MPND: variants seen among roughly 807,000 people sequenced by gnomAD.
MPND encodes MPN domain containing.
Under a neutral mutation model 59.2 loss-of-function variants are expected in MPND, and 56 were observed. The observed-to-expected ratio is 0.95, with a 90% CI of 0.76 to 1.18. The LOEUF (loss-of-function observed/expected upper bound fraction) is 1.18. MPND is among the 50% of genes most tolerant of loss of function. MPND has a pLI of 0.00. For missense variants in MPND, 671 were observed against 676.0 expected, an observed-to-expected ratio of 0.99 and a Z score of 0.08; for synonymous variants, 323 against 291.9, an observed-to-expected ratio of 1.11 and a Z score of -1.09.
At position 4,351,636 on chromosome 19, in the gene MPND, GCA is replaced by G. The variant is rs1201737156; in HGVS notation, c.532-1260_532-1259del. Among the ~76,000 whole-genome samples, 214 of 151,896 alleles carry G rather than the reference GCA, an allele frequency of 1.4e-3. 1 individual carries two copies. Among genetic ancestry groups the G allele is most frequent in the African/African-American group, 5.0e-3 (209 of 41,424 alleles). On this transcript the variant is annotated intron_variant, in intron 3 of 12. Transcript: ENST00000599840. The stretch of plus-strand genomic sequence containing the variant: ...CCAGCACTTTGGGTGGCCGAGATGG[GCA>G]AATCACAAGGTCAGACGATCGAGAC...
At chr19:4,357,214 C>T (rs1401340956) in intron 8 of MPND, 39 bp from the exon 9 acceptor site, 4 of 1,551,492 alleles carry the variant, frequency 2.6e-6, no homozygotes, top group Non-Finnish European at 3.5e-6. Flanking sequence ...TAGAGCCGTT[C>T]AGGCCCCTGT....
At chr19:4,345,649 A>T in intron 2 of MPND, 96 bp from the exon 3 acceptor site, 2 of 1,159,582 alleles carry the variant, frequency 1.7e-6, no homozygotes, top group Middle Eastern at 2.0e-4. Flanking sequence ...CCCTGTAAAG[A>T]CATGCCTGAG....
chr19:4,359,978 CG>C lies in MPND; in HGVS notation c.1484del (p.Gly495AlafsTer?). Reference protein sequence around the residue: ...SLCHVLEQVCGVLKQGS With the variant: ...SLCHVLEQVCXVLKQGS Reference sequence around the variant, plus strand: ...TGTGTCACGTCCTGGAACAGGTGTGCGGCGTCCTCAAGCAGGGGAGCTGAGC... The same window carrying C: ...TGTGTCACGTCCTGGAACAGGTGTGCGCGTCCTCAAGCAGGGGAGCTGAGC... On this transcript the variant is annotated frameshift_variant, in exon 13 of 13. Coordinates refer to ENST00000599840, the MANE Select transcript of MPND (RefSeq NM_001300862.2). LOFTEE classifies it high-confidence loss of function. 6.4e-7 allele frequency: 1 copy of C among 1,568,566 alleles called. No homozygotes were observed. The highest frequency in any genetic ancestry group is 8.6e-7 in the Non-Finnish European group (1 of 1,156,394).
chr19:4,347,594 G>C (rs543905551), intron 3 of MPND, among the ~76,000 whole-genome samples: 2 of 152,140 alleles, frequency 1.3e-5, no homozygotes, highest in South Asian at 2.1e-4. Context: ...ATTGCATGAA[G>C]GAGTTAACAC....
chr19:4,354,460 G>C, intron 6 of MPND, 40 bp downstream of exon 6: 3 of 1,524,210 alleles, frequency 2.0e-6, no homozygotes, highest in Non-Finnish European at 2.7e-6. Context: ...GGGCTCCGGA[G>C]CCCAGTCGGT....
intron 3 of MPND, 60 bp from the exon 4 acceptor site, chr19:4,352,837 G>GTA: frequency 7.8e-7 from 1 of 1,276,750 alleles, no homozygotes; most frequent in South Asian, 3.2e-5. Context: ...GATTTAGCAG[G>GTA]GAGCGGGGGG....
Position 4,355,137 on chromosome 19 carries a change from C to T in MPND, c.960C>T (p.Leu320=), listed in dbSNP as rs201982212. Residue 320 remains leucine (L), a synonymous_variant, in exon 8 of 13, where the codon CTC becomes CTT. Coordinates refer to ENST00000599840, the MANE Select transcript of MPND (RefSeq NM_001300862.2). ...VLRAFPCRSR[L]GDAETAAAIE... is the part of the protein sequence containing the mutation. Reference sequence around the variant, plus strand: ...GAGCCTTCCCTTGTCGGAGCCGGCTCGGGGACGCAGAGACTGCAGCTGCCA... The same window carrying T: ...GAGCCTTCCCTTGTCGGAGCCGGCTTGGGGACGCAGAGACTGCAGCTGCCA... 4.0e-5 allele frequency: 64 copies of T among 1,613,536 alleles called. No homozygotes were observed. The African/African-American group carries it at 4.1e-4, about 10-fold the overall frequency.
intron 6 of MPND, 145 bp downstream of exon 6, chr19:4,354,565 A>C: frequency 1.4e-6 from 1 of 700,690 alleles, no homozygotes; most frequent in Non-Finnish European, 2.4e-6. Context: ...TGCTCAATAA[A>C]TGTATGAAGG....
chr19:4,355,917 G>A (rs908920994), intron 8 of MPND, among the ~76,000 whole-genome samples: 8 of 145,430 alleles, frequency 5.5e-5, no homozygotes, highest in African/African-American at 1.8e-4. Context: ...TGCAGGGCGC[G>A]ATCTTGGCTC....
intron 4 of MPND, 85 bp downstream of exon 4, chr19:4,353,114 C>A (rs1284362439): frequency 4.4e-6 from 5 of 1,130,168 alleles, no homozygotes; most frequent in Non-Finnish European, 1.2e-6. Flanking sequence ...GGGCCTTGAT[C>A]TTCTCCTAGG....
intron 12 of MPND, 137 bp from the exon 13 acceptor site, chr19:4,359,779 T>G: frequency 1.6e-6 from 1 of 639,224 alleles, no homozygotes. Flanking sequence ...AGCAGCAGGC[T>G]GTGCTGCGGG....
At chr19:4,359,044 T>G (rs1972513244) in intron 11 of MPND, 119 bp from the exon 12 acceptor site, 18 of 635,438 alleles carry the variant, frequency 2.8e-5, no homozygotes, top group East Asian at 5.6e-5. Context: ...CTCTTTGTGG[T>G]TGGTTTGTTA....
intron 3 of MPND, 126 bp downstream of exon 3, chr19:4,346,107 A>C: frequency 1.3e-6 from 1 of 775,822 alleles, no homozygotes; most frequent in Non-Finnish European, 2.1e-6. Flanking sequence ...AGCCCTTACC[A>C]CGTGACATGC....
At chr19:4,347,788 C>T (rs760325180) in intron 3 of MPND, 2 of 463,924 alleles carry the variant, frequency 4.3e-6, no homozygotes, top group Non-Finnish European at 8.1e-6. Flanking sequence ...AAACCCTTGA[C>T]CCTTCACATG....
intron 6 of MPND, 82 bp downstream of exon 6, chr19:4,354,502 C>A: frequency 1.8e-6 from 2 of 1,120,936 alleles, no homozygotes; most frequent in Non-Finnish European, 2.6e-6. Flanking sequence ...TGCGTATCAG[C>A]TCCATGAGAG....
chr19:4,347,794 A>T, intron 3 of MPND: 1 of 444,300 alleles, frequency 2.3e-6, no homozygotes, highest in Non-Finnish European at 4.3e-6. Flanking sequence ...TTGACCCTTC[A>T]CATGATCCTC....
intron 3 of MPND, 68 bp from the exon 4 acceptor site, chr19:4,352,828 AT>A (rs1486194997): frequency 3.1e-6 from 4 of 1,285,086 alleles, no homozygotes; most frequent in Admixed American, 7.1e-5. Flanking sequence ...CTGGGGTGGG[AT>A]TTAGCAGGGA....
intron 3 of MPND, among the ~76,000 whole-genome samples, chr19:4,352,413 G>A (rs995105241): frequency 4.6e-5 from 7 of 152,036 alleles, no homozygotes; most frequent in African/African-American, 1.4e-4. Context: ...AGCCGGGTGC[G>A]GTGGCTTACG....
rs146027033 is a variant in MPND, at chr19:4,350,954, C to T, written c.532-1943C>T. ...GAGGGAGCCAGGCGAGCGTGGGATC[C>T]GGGGGTTGTGTGAGGACCGTGTCCT... On this transcript the variant is annotated intron_variant, in intron 3 of 12. Coordinates refer to ENST00000599840, the MANE Select transcript of MPND (RefSeq NM_001300862.2). Among the ~76,000 whole-genome samples, 20 of 152,000 alleles carry T rather than the reference C, an allele frequency of 1.3e-4. No homozygotes were observed. The East Asian group carries it at 2.9e-3, about 22-fold the overall frequency.
Sources: allele counts gnomAD v4.1 joint callset (sites outside exome capture counted in the v4.1 genomes callset), GRCh38; gene constraint gnomAD v4.1.1; transcripts MANE v1.5; gene names NCBI Gene and HGNC (gene_info 2026-07-23, HGNC 2026-07-21).